TSPAN15: variants seen among roughly 807,000 people sequenced by gnomAD.
The protein encoded by TSPAN15 is tetraspanin-15.
In TSPAN15, 20 loss-of-function variants were observed where a neutral mutation model predicts 34.5. That is an observed-to-expected ratio of 0.58 (90% confidence interval 0.41 to 0.84). The LOEUF is 0.84. TSPAN15 is among the 40% of genes least tolerant of loss of function. TSPAN15 has a pLI of 0.00. For synonymous variants in TSPAN15, 155 were observed against 153.9 expected (o/e 1.01, Z -0.05); for missense variants, 313 against 386.1 (o/e 0.81, Z 1.59).
intron 5 of TSPAN15, among the ~76,000 whole-genome samples, chr10:69,502,950 C>T (rs1034296123): frequency 6.6e-6 from 1 of 152,202 alleles, no homozygotes; most frequent in African/African-American, 2.4e-5. Flanking sequence ...TCTTGTTGTT[C>T]TGTATTTCAA....
rs573115385 is a variant in TSPAN15, at chr10:69,506,060, T to G, written c.619-64T>G. ...CCTGGACCTTGTGTACATGGCAGAG[T>G]CGGGGCTGTGGCTCCTGCCAGCCGA... On this transcript the variant is annotated intron_variant, in intron 6 of 7. Coordinates refer to ENST00000373290, the MANE Select transcript of TSPAN15 (RefSeq NM_012339.5). The surrounding 1 kb of genome is among the most constrained non-coding windows in gnomAD (Gnocchi z 4.7). The G allele has an allele frequency of 7.2e-7, 1 of 1,397,622 alleles. No homozygotes were observed. The highest frequency in any genetic ancestry group is 1.0e-6 in the Non-Finnish European group (1 of 992,100). 86.6% of individuals were successfully genotyped at this position (1,397,622 alleles called of 1,614,324 possible). A position where few individuals can be genotyped will look rare whatever the true frequency, so the allele number is the denominator to read the frequency against.
chr10:69,504,703 G>A (rs1443573530), intron 6 of TSPAN15, among the ~76,000 whole-genome samples: 1 of 152,198 alleles, frequency 6.6e-6, no homozygotes, highest in Non-Finnish European at 1.5e-5. Context: ...GCCTGTCAGG[G>A]TTTGCCGAGC....
At chr10:69,539,534 AG>A in the TSPAN15 span, among the ~76,000 whole-genome samples, 1 of 63,566 alleles carries the variant, frequency 1.6e-5, no homozygotes, top group East Asian at 3.4e-4. Flanking sequence ...AAGAAGAAGA[AG>A]AAGGAGAAGG....
chr10:69,530,251 A>T, the TSPAN15 span, among the ~76,000 whole-genome samples: 1 of 147,770 alleles, frequency 6.8e-6, no homozygotes, highest in Non-Finnish European at 1.5e-5. Context: ...ACTCAGTCAC[A>T]TGGTACCCTA....
intron 5 of TSPAN15, among the ~76,000 whole-genome samples, chr10:69,500,444 G>A (rs796126499): frequency 2.0e-5 from 3 of 152,298 alleles, no homozygotes; most frequent in Admixed American, 6.5e-5. Flanking sequence ...TTGATGATAA[G>A]GAATTGGCTT....
chr10:69,503,258 G>C (rs1297549492), intron 5 of TSPAN15, among the ~76,000 whole-genome samples: 3 of 152,156 alleles, frequency 2.0e-5, no homozygotes, highest in African/African-American at 7.2e-5. Flanking sequence ...GAATGACCTA[G>C]ATGACATCTG....
chr10:69,515,094 G>A, the TSPAN15 span, among the ~76,000 whole-genome samples: 1 of 152,200 alleles, frequency 6.6e-6, no homozygotes, highest in Non-Finnish European at 1.5e-5. Flanking sequence ...TCTGCCACAT[G>A]TGGCCAGTTG....
intron 1 of TSPAN15, among the ~76,000 whole-genome samples, chr10:69,461,765 G>A (rs1841263338): frequency 1.3e-5 from 2 of 152,182 alleles, no homozygotes; most frequent in Non-Finnish European, 1.5e-5. Context: ...AGTAGGGTTG[G>A]GGTGCTGGCT....
chr10:69,467,188 G>A (rs924398171), intron 1 of TSPAN15, among the ~76,000 whole-genome samples: 2 of 152,176 alleles, frequency 1.3e-5, no homozygotes, highest in African/African-American at 4.8e-5. Flanking sequence ...CATGCAGTGA[G>A]GGGCATGTTC....
At chr10:69,458,375 A>G (rs1169216279) in intron 1 of TSPAN15, among the ~76,000 whole-genome samples, 1 of 152,254 alleles carries the variant, frequency 6.6e-6, no homozygotes, top group Non-Finnish European at 1.5e-5. Flanking sequence ...GTCCCCTTTG[A>G]TTCTACCACT....
chr10:69,539,543 AG>A, the TSPAN15 span, among the ~76,000 whole-genome samples: 3,105 of 65,772 alleles, frequency 0.047, 433 homozygotes, highest in East Asian at 0.098. Flanking sequence ...AAGAAGGAGA[AG>A]GAGAAGGAGA....
chr10:69,506,677 G>A lies in TSPAN15; in HGVS notation c.736-152G>A. 2.6e-6 allele frequency: 2 copies of A among 757,280 alleles called. No homozygotes were observed. The highest frequency in any genetic ancestry group is 4.3e-6 in the Non-Finnish European group (2 of 466,832). The allele number at this position is 757,280 out of a possible 1,614,324, so 46.9% of individuals were successfully genotyped here. ...TGGGAGCTTCTTGGGCAGTGTGGGT[G>A]CTGGGAGAAGTCTCTGCTGTGGGTG... On this transcript the variant is annotated intron_variant, in intron 7 of 7. Transcript: ENST00000373290. The surrounding 1 kb of genome is among the most constrained non-coding windows in gnomAD (Gnocchi z 4.7).
chr10:69,459,924 C>T (rs894564213), intron 1 of TSPAN15, among the ~76,000 whole-genome samples: 3 of 132,676 alleles, frequency 2.3e-5, no homozygotes, highest in Admixed American at 7.6e-5. Flanking sequence ...CTAGGCACCC[C>T]CCCCCCACGA....
the TSPAN15 span, among the ~76,000 whole-genome samples, chr10:69,548,378 C>T: frequency 1.4e-4 from 22 of 152,332 alleles, 3 homozygotes; most frequent in African/African-American, 5.3e-4. Flanking sequence ...ATGTTTCTTT[C>T]TAGACTTCTG....
Position 69,455,629 on chromosome 10 carries a change from C to CA in TSPAN15, c.96+3939_96+3940insA, listed in dbSNP as rs1177575713. On this transcript the variant is annotated intron_variant, in intron 1 of 7. Transcript: ENST00000373290. ...CTTTCTCTCTCTCTCTCTCTCTCCC[C>CA]CCCCCGTCTCTTTCTTTCTTCCTTT... 5.9e-5 allele frequency among the ~76,000 whole-genome samples: 6 copies of CA among 101,360 alleles called. 1 individual carries two copies. Among genetic ancestry groups the CA allele is most frequent in the African/African-American group, 1.6e-4 (4 of 24,278 alleles). 66.5% of individuals were successfully genotyped at this position (101,360 alleles called of 152,430 possible). A position where few individuals can be genotyped will look rare whatever the true frequency, so the allele number is the denominator to read the frequency against.
In TSPAN15 at chr10:69,467,679, T is replaced by G. The variant is rs572417932; in HGVS notation, c.96+15989T>G. On this transcript the variant is annotated intron_variant, in intron 1 of 7. Coordinates refer to ENST00000373290, the MANE Select transcript of TSPAN15 (RefSeq NM_012339.5). Reference sequence around the variant, plus strand: ...ACACACACACACACACACACACCTCTTCTTGGAAAACAGAACTTGGTTGCT... The same window carrying G: ...ACACACACACACACACACACACCTCGTCTTGGAAAACAGAACTTGGTTGCT... 1.2e-4 allele frequency among the ~76,000 whole-genome samples: 18 copies of G among 147,298 alleles called. No homozygotes were observed. In the South Asian group the frequency reaches 3.8e-3, roughly 31 times the overall value.
chr10:69,523,958 C>T, the TSPAN15 span, among the ~76,000 whole-genome samples: 2 of 147,682 alleles, frequency 1.4e-5, no homozygotes, highest in African/African-American at 4.9e-5. Context: ...TCAGGATTCA[C>T]TCTGTATTCA....
chr10:69,498,835 A>G (rs1842143991), intron 5 of TSPAN15, among the ~76,000 whole-genome samples: 1 of 152,162 alleles, frequency 6.6e-6, no homozygotes, highest in African/African-American at 2.4e-5. Flanking sequence ...TACACTCTGG[A>G]GAACTGTGCA....
At chr10:69,460,018 AGAT>A (rs1353096286) in intron 1 of TSPAN15, among the ~76,000 whole-genome samples, 2 of 14,070 alleles carry the variant, frequency 1.4e-4, no homozygotes, top group African/African-American at 1.1e-3. Context: ...GTAGTTGGGG[AGAT>A]GAGATGAGAT....
Sources: allele counts gnomAD v4.1 joint callset (sites outside exome capture counted in the v4.1 genomes callset), GRCh38; gene constraint gnomAD v4.1.1; non-coding constraint Gnocchi (gnomAD v3.1); transcripts MANE v1.5; gene names NCBI Gene and HGNC (gene_info 2026-07-23, HGNC 2026-07-21).